The following NOL7 variants were observed in gnomAD, a reference collection of about 807,000 sequenced individuals.
NOL7 encodes the protein U3 small nucleolar RNA-associated protein NOL7.
A neutral mutation model predicts 38.4 loss-of-function variants in NOL7; 36 were observed. That is an observed-to-expected ratio of 0.94 (90% CI 0.72 to 1.24). NOL7 has a LOEUF of 1.24. NOL7 is among the 50% of genes most tolerant of loss of function. NOL7 has a pLI of 0.00. For synonymous variants in NOL7, 142 were observed against 126.5 expected, an observed-to-expected ratio of 1.12 and a Z score of -0.82; for missense variants, 350 against 315.1, an observed-to-expected ratio of 1.11 and a Z score of -0.84.
At chr6:13,622,064 A>C, downstream of NOL7, 1 of 173,774 alleles carries the variant, frequency 5.8e-6, no homozygotes, top group Non-Finnish European at 1.2e-5. Context: ...AGAAGGCAGG[A>C]TTTTTGGTTT....
chr6:13,617,571 C>G (rs984156507), intron 3 of NOL7, among the ~76,000 whole-genome samples, 199 bp from the exon 4 acceptor site: 4 of 152,212 alleles, frequency 2.6e-5, no homozygotes, highest in Non-Finnish European at 5.9e-5. Flanking sequence ...CTGTGAAGAT[C>G]TTCCAATGCT....
chr6:13,617,844 A>G (rs896029488), intron 4 of NOL7, 43 bp downstream of exon 4: 2 of 1,559,640 alleles, frequency 1.3e-6, no homozygotes, highest in African/African-American at 2.7e-5. Context: ...GTAAGTGTCA[A>G]GTGCACTTGC....
In NOL7 at chr6:13,620,418, C is replaced by T. The variant is rs1307857842; in HGVS notation, c.633C>T (p.Phe211=). The T allele has an allele frequency of 2.5e-6, 4 of 1,613,980 alleles. No individual in the cohort carries two copies. In the South Asian group the frequency reaches 3.3e-5, roughly 13 times the overall value. Residue 211 remains phenylalanine (F), a synonymous_variant, in exon 7 of 8, where the codon TTC becomes TTT. Coordinates refer to ENST00000451315, the MANE Select transcript of NOL7 (RefSeq NM_016167.5). Reference sequence around the variant, plus strand: ...ACCTTTCTTTTCTAGTAAATAAGTTCCTGTCTCTTGCCAACAAGAGGTTAC... The same window carrying T: ...ACCTTTCTTTTCTAGTAAATAAGTTTCTGTCTCTTGCCAACAAGAGGTTAC... The part of the protein sequence containing the change: ...PGTNRTTVNK[F]LSLANKRLPV...
downstream of NOL7, chr6:13,625,910 G>A (rs547653163): frequency 2.7e-4 from 146 of 546,734 alleles, 4 homozygotes; most frequent in South Asian, 2.6e-3. Context: ...GCACTGGGAC[G>A]CTCTACATTT....
Position 13,621,186 on chromosome 6 carries a change from G to GT in NOL7, c.*359_*360insT, listed in dbSNP as rs1445111574. The stretch of plus-strand genomic sequence containing the variant: ...AGCCTGTAGACAATTTGCTATTAAA[G>GT]ATTCAGTGCACAAAATATAGCTAAC... On this transcript the variant is annotated 3_prime_UTR_variant, in exon 8 of 8. Coordinates refer to ENST00000451315, the MANE Select transcript of NOL7 (RefSeq NM_016167.5). The GT allele has an allele frequency of 6.3e-6, 1 of 158,772 alleles. No homozygotes were observed. The highest frequency in any genetic ancestry group is 1.4e-5 in the Non-Finnish European group (1 of 72,432). 9.8% of individuals were successfully genotyped at this position (158,772 alleles called of 1,614,324 possible).
At chr6:13,629,245 G>A (rs1264198377) in intron 8 of NOL7, among the ~76,000 whole-genome samples, 2 of 152,160 alleles carry the variant, frequency 1.3e-5, no homozygotes, top group East Asian at 3.9e-4. Flanking sequence ...CAAAGTGTTG[G>A]GATTACAGAT....
At chr6:13,619,509 G>A (rs1168971992) in intron 5 of NOL7, among the ~76,000 whole-genome samples, 2 of 152,216 alleles carry the variant, frequency 1.3e-5, no homozygotes, top group Non-Finnish European at 2.9e-5. Flanking sequence ...AAGACCATGA[G>A]AGGAATTCAT....
In NOL7 at chr6:13,615,773, G is replaced by A. The variant is rs1342427658; in HGVS notation, c.327+1G>A. Reference sequence around the variant, plus strand: ...CGAGGAGCTGTTCATCGAACAGAAGGTTAGAGGCTAGGGAGGAGGTGTCTT... The same window carrying A: ...CGAGGAGCTGTTCATCGAACAGAAGATTAGAGGCTAGGGAGGAGGTGTCTT... On this transcript the variant is annotated splice_donor_variant, in intron 2 of 7. Coordinates refer to ENST00000451315, the MANE Select transcript of NOL7 (RefSeq NM_016167.5). LOFTEE classifies it high-confidence loss of function. 2.2e-5 allele frequency: 36 copies of A among 1,611,906 alleles called. No homozygotes were observed. The highest frequency in any genetic ancestry group is 2.9e-5 in the Non-Finnish European group (34 of 1,179,246).
chr6:13,623,369 C>T (rs1764511288), downstream of NOL7, among the ~76,000 whole-genome samples: 1 of 152,210 alleles, frequency 6.6e-6, no homozygotes, highest in Middle Eastern at 3.4e-3. Flanking sequence ...TGGTTTAACT[C>T]CACTCTTGGT....
At chr6:13,632,294 A>G in intron 8 of NOL7, 2 of 1,460,044 alleles carry the variant, frequency 1.4e-6, no homozygotes, top group Non-Finnish European at 1.9e-6. Context: ...TTTCTGGTAC[A>G]CTGCTCAGTG....
At chr6:13,620,118 G>C in intron 5 of NOL7, 90 bp from the exon 6 acceptor site, 2 of 1,396,992 alleles carry the variant, frequency 1.4e-6, no homozygotes, top group Middle Eastern at 2.0e-4. Flanking sequence ...CGCGCAGCCT[G>C]GGTGACAGAG....
Position 13,615,345 on chromosome 6 carries a change from G to A in NOL7, c.-14G>A, listed in dbSNP as rs557883719. ...TCCGGGTCAGAGGTCAGACGGTCTA[G>A]CGCTGCGTGGGCCATGGTGCAGCTC... On this transcript the variant is annotated 5_prime_UTR_variant, in exon 1 of 8. Coordinates refer to ENST00000451315, the MANE Select transcript of NOL7 (RefSeq NM_016167.5). 2.3e-5 allele frequency: 34 copies of A among 1,474,466 alleles called. No homozygotes were observed. The highest frequency in any genetic ancestry group is 1.3e-4 in the South Asian group (9 of 71,372). 91.3% of individuals were successfully genotyped at this position (1,474,466 alleles called of 1,614,324 possible).
At chr6:13,623,285 C>T (rs779910245), downstream of NOL7, among the ~76,000 whole-genome samples, 2 of 152,154 alleles carry the variant, frequency 1.3e-5, no homozygotes, top group Non-Finnish European at 2.9e-5. Context: ...AATAAAATTA[C>T]TAATCAGTTC....
At chr6:13,616,313 C>T (rs527428655) in intron 2 of NOL7, 150 bp from the exon 3 acceptor site, 4 of 533,778 alleles carry the variant, frequency 7.5e-6, no homozygotes, top group South Asian at 5.9e-5. Flanking sequence ...CCCGGTCTTC[C>T]CATAGCTTAG....
chr6:13,631,548 T>C (rs1265107706), intron 8 of NOL7, among the ~76,000 whole-genome samples: 1 of 152,220 alleles, frequency 6.6e-6, no homozygotes, highest in Non-Finnish European at 1.5e-5. Flanking sequence ...GTACTAACTT[T>C]CAGTCCAGGT....
intron 1 of NOL7, 26 bp downstream of exon 1, chr6:13,615,650 A>G (rs368885694): frequency 6.2e-7 from 1 of 1,611,984 alleles, no homozygotes; most frequent in Middle Eastern, 1.6e-4. Context: ...CCCGGCGGGG[A>G]GAACCGCCCT....
chr6:13,629,752 C>T (rs1014672129), intron 8 of NOL7, among the ~76,000 whole-genome samples: 3 of 151,958 alleles, frequency 2.0e-5, no homozygotes, highest in South Asian at 2.1e-4. Flanking sequence ...CACTGGAAGA[C>T]GTAGGCAGAT....
intron 8 of NOL7, among the ~76,000 whole-genome samples, chr6:13,630,951 C>T (rs547093390): frequency 8.6e-5 from 13 of 151,628 alleles, no homozygotes; most frequent in African/African-American, 1.5e-4. Context: ...CTGGGACTAC[C>T]GGCGCCCGCC....
intron 3 of NOL7, 26 bp from the exon 4 acceptor site, chr6:13,617,744 T>A: frequency 6.2e-7 from 1 of 1,610,896 alleles, no homozygotes; most frequent in Non-Finnish European, 8.5e-7. Flanking sequence ...GCCATTGCAG[T>A]CAGTGGTTTT....
Sources: allele counts gnomAD v4.1 joint callset (sites outside exome capture counted in the v4.1 genomes callset), GRCh38; gene constraint gnomAD v4.1.1; transcripts MANE v1.5; gene names NCBI Gene and HGNC (gene_info 2026-07-23, HGNC 2026-07-21).